COLEC12: variants seen among roughly 807,000 people sequenced by gnomAD.
The protein encoded by COLEC12 is collectin-12.
COLEC12 carries 33 observed loss-of-function variants against 71.1 expected under a neutral mutation model. The ratio of observed to expected loss-of-function variants is 0.46; its 90% CI spans 0.35 to 0.62. The LOEUF is 0.62. Ranked by LOEUF, COLEC12 falls within the 20% of genes least tolerant of loss-of-function variation. The pLI is 0.00. For missense variants in COLEC12, 765 were observed against 916.1 expected, an observed-to-expected ratio of 0.84 and a Z score of 2.13; for synonymous variants, 350 against 353.0, an observed-to-expected ratio of 0.99 and a Z score of 0.10.
intron 5 of COLEC12, among the ~76,000 whole-genome samples, chr18:336,969 C>G (rs1012705946): frequency 6.6e-6 from 1 of 152,026 alleles, no homozygotes; most frequent in Non-Finnish European, 1.5e-5. Flanking sequence ...AATCCTCCAA[C>G]CTCAGCTTCC....
At chr18:339,896 T>G (rs986942753) in intron 5 of COLEC12, among the ~76,000 whole-genome samples, 1 of 151,902 alleles carries the variant, frequency 6.6e-6, no homozygotes, top group Non-Finnish European at 1.5e-5. Context: ...CATAAAAAAG[T>G]AGATTATTAA....
chr18:340,764 T>G (rs1452779089), intron 5 of COLEC12, among the ~76,000 whole-genome samples: 1 of 152,238 alleles, frequency 6.6e-6, no homozygotes, highest in Non-Finnish European at 1.5e-5. Flanking sequence ...CTACTTTGAA[T>G]GCACTTAATC....
intron 1 of COLEC12, among the ~76,000 whole-genome samples, chr18:499,407 T>C (rs1361028130): frequency 1.3e-5 from 2 of 152,110 alleles, no homozygotes; most frequent in Non-Finnish European, 2.9e-5. Flanking sequence ...GGAGCTGCCC[T>C]TCAGAAAAAA....
At chr18:326,473 G>C (rs548052988) in intron 8 of COLEC12, among the ~76,000 whole-genome samples, 1 of 152,038 alleles carries the variant, frequency 6.6e-6, no homozygotes, top group Admixed American at 6.5e-5. Context: ...TCAGCCTCCC[G>C]AGTAGCTGGG....
At chr18:469,179 G>C (rs1917145802) in intron 2 of COLEC12, among the ~76,000 whole-genome samples, 1 of 152,194 alleles carries the variant, frequency 6.6e-6, no homozygotes, top group South Asian at 2.1e-4. Context: ...GGGGCAGAGG[G>C]GCGTTCCCGA....
At chr18:383,477 CA>C (rs1414621914) in intron 2 of COLEC12, among the ~76,000 whole-genome samples, 1 of 152,102 alleles carries the variant, frequency 6.6e-6, no homozygotes, top group Non-Finnish European at 1.5e-5. Flanking sequence ...CTGCCAGAAA[CA>C]TGATAAAAGA....
At chr18:427,016 T>C (rs1916211212) in intron 2 of COLEC12, among the ~76,000 whole-genome samples, 1 of 152,202 alleles carries the variant, frequency 6.6e-6, no homozygotes, top group African/African-American at 2.4e-5. Context: ...CCCTCTGGGA[T>C]GGCTGTGCGT....
chr18:400,009 CAT>C (rs1404243764), intron 2 of COLEC12, among the ~76,000 whole-genome samples: 1 of 152,138 alleles, frequency 6.6e-6, no homozygotes, highest in Non-Finnish European at 1.5e-5. Context: ...AATCCCATGA[CAT>C]AGTTTTTGCA....
At chr18:383,003 GAGC>G (rs1191946718) in intron 2 of COLEC12, among the ~76,000 whole-genome samples, 1 of 152,070 alleles carries the variant, frequency 6.6e-6, no homozygotes, top group Non-Finnish European at 1.5e-5. Context: ...TACAGGCAAA[GAGC>G]ATGCATTCTG....
At chr18:482,254 C>T (rs1917435413) in intron 1 of COLEC12, among the ~76,000 whole-genome samples, 1 of 150,746 alleles carries the variant, frequency 6.6e-6, no homozygotes. Flanking sequence ...GCTGGGATTA[C>T]AGGCACCCGC....
intron 2 of COLEC12, among the ~76,000 whole-genome samples, chr18:452,117 T>G (rs1305510463): frequency 6.6e-6 from 1 of 152,230 alleles, no homozygotes; most frequent in Non-Finnish European, 1.5e-5. Context: ...GATCTAGTGT[T>G]AAGCAGAATA....
intron 2 of COLEC12, among the ~76,000 whole-genome samples, chr18:367,208 G>A (rs139340344): frequency 1.3e-5 from 2 of 152,304 alleles, no homozygotes; most frequent in Admixed American, 1.3e-4. Context: ...ATATAATGAC[G>A]AGGGGGAACA....
At chr18:377,599 C>A (rs1045216681) in intron 2 of COLEC12, among the ~76,000 whole-genome samples, 2 of 152,178 alleles carry the variant, frequency 1.3e-5, no homozygotes, top group African/African-American at 4.8e-5. Context: ...AGGAAAGGAG[C>A]CTCCCAAAAC....
At chr18:339,745 T>C (rs561046783) in intron 5 of COLEC12, among the ~76,000 whole-genome samples, 1 of 152,114 alleles carries the variant, frequency 6.6e-6, no homozygotes, top group Non-Finnish European at 1.5e-5. Flanking sequence ...AAACATATTC[T>C]ATGTGTCTTA....
intron 1 of COLEC12, among the ~76,000 whole-genome samples, chr18:497,383 G>GTGTGT (rs1555623893): frequency 2.7e-5 from 4 of 147,052 alleles, no homozygotes; most frequent in African/African-American, 1.0e-4. Context: ...TAAAGAATGG[G>GTGTGT]GTGTGTGTGT....
At chr18:426,963 T>G (rs993171868) in intron 2 of COLEC12, among the ~76,000 whole-genome samples, 2 of 152,204 alleles carry the variant, frequency 1.3e-5, no homozygotes, top group Non-Finnish European at 2.9e-5. Flanking sequence ...ACTAAATAAC[T>G]TCCTAGGGCT....
At chr18:449,641 C>T (rs987689989) in intron 2 of COLEC12, among the ~76,000 whole-genome samples, 1 of 152,226 alleles carries the variant, frequency 6.6e-6, no homozygotes, top group African/African-American at 2.4e-5. Context: ...CTGACAGCCT[C>T]CAGCACTGCC....
intron 8 of COLEC12, among the ~76,000 whole-genome samples, chr18:325,136 T>A (rs1474614254): frequency 6.6e-6 from 1 of 152,188 alleles, no homozygotes; most frequent in African/African-American, 2.4e-5. Context: ...GAGGCTGCAG[T>A]GAGCTGTGAT....
intron 1 of COLEC12, among the ~76,000 whole-genome samples, chr18:481,531 C>A (rs527707511): frequency 3.3e-5 from 5 of 152,250 alleles, no homozygotes; most frequent in Admixed American, 6.5e-5. Context: ...ATGGTGAAAC[C>A]CCATCTCTAC....
Sources: gnomAD v4.1 joint callset for allele counts (sites outside exome capture counted in the v4.1 genomes callset) on GRCh38, gnomAD v4.1.1 for gene constraint, MANE v1.5 for transcripts, NCBI Gene and HGNC (gene_info 2026-07-23, HGNC 2026-07-21) for gene names.